LRP1B: variants seen among roughly 807,000 people sequenced by gnomAD.
LRP1B encodes low-density lipoprotein receptor-related protein 1B.
In LRP1B, 217 loss-of-function variants were observed where a neutral mutation model predicts 556.6. The ratio of observed to expected loss-of-function variants is 0.39; its 90% CI spans 0.35 to 0.44. The LOEUF (loss-of-function observed/expected upper bound fraction) is 0.44, where lower values mean the gene tolerates loss of function less well. Ranked by LOEUF, LRP1B falls within the 20% of genes least tolerant of loss-of-function variation. LRP1B has a pLI of 1.00. For synonymous variants in LRP1B, 2,047 were observed against 1,865.8 expected (o/e 1.10, Z -2.50); for missense variants, 5,053 against 5,620.8 (o/e 0.90, Z 3.23).
At chr2:141,548,612 C>T (rs1013181317) in intron 2 of LRP1B, among the ~76,000 whole-genome samples, 1 of 152,148 alleles carries the variant, frequency 6.6e-6, no homozygotes, top group Non-Finnish European at 1.5e-5. Context: ...AGATCTTTGA[C>T]CTTGGGTAGG....
intron 4 of LRP1B, among the ~76,000 whole-genome samples, chr2:141,248,128 C>T (rs190391730): frequency 2.0e-5 from 3 of 152,264 alleles, no homozygotes; most frequent in African/African-American, 7.2e-5. Context: ...TCTGTTTTCT[C>T]TATATACTTC....
intron 10 of LRP1B, among the ~76,000 whole-genome samples, chr2:141,050,471 T>C (rs1318605518): frequency 6.6e-6 from 1 of 151,986 alleles, no homozygotes; most frequent in East Asian, 1.9e-4. Context: ...ATGCATTTGG[T>C]ATTTGTCCTA....
At chr2:140,946,315 C>T (rs1249286601) in intron 20 of LRP1B, among the ~76,000 whole-genome samples, 1 of 152,046 alleles carries the variant, frequency 6.6e-6, no homozygotes, top group Non-Finnish European at 1.5e-5. Context: ...GGAGTAAAAA[C>T]AGGTTCAGGG....
chr2:141,773,127 A>C (rs1022970492), intron 2 of LRP1B, among the ~76,000 whole-genome samples: 4 of 152,198 alleles, frequency 2.6e-5, no homozygotes, highest in African/African-American at 9.6e-5. Context: ...GTTATTTTCT[A>C]GTTGTGAAGT....
At chr2:140,446,172 C>T (rs1573948062) in intron 63 of LRP1B, among the ~76,000 whole-genome samples, 2 of 152,122 alleles carry the variant, frequency 1.3e-5, no homozygotes, top group East Asian at 3.9e-4. Context: ...ATGTGCCTTT[C>T]CTCTATTTCA....
chr2:140,492,511 A>T, intron 57 of LRP1B, 97 bp downstream of exon 57: 7 of 738,642 alleles, frequency 9.5e-6, no homozygotes, highest in Middle Eastern at 4.9e-4. Context: ...AACTAAAAAT[A>T]TGCTTCACAA....
At chr2:141,135,995 C>T (rs1210923502) in intron 7 of LRP1B, among the ~76,000 whole-genome samples, 1 of 151,870 alleles carries the variant, frequency 6.6e-6, no homozygotes, top group Non-Finnish European at 1.5e-5. Context: ...TTACTGCATA[C>T]AATTTGTGCA....
intron 43 of LRP1B, among the ~76,000 whole-genome samples, chr2:140,591,624 T>C (rs2105167949): frequency 6.6e-6 from 1 of 152,286 alleles, no homozygotes. Flanking sequence ...CTATATAGTC[T>C]AGTGGTAAAG....
chr2:140,289,942 T>C (rs1683307159), intron 84 of LRP1B, among the ~76,000 whole-genome samples: 1 of 151,998 alleles, frequency 6.6e-6, no homozygotes, highest in Non-Finnish European at 1.5e-5. Flanking sequence ...TAAGAAAATA[T>C]GGCCCAGAAC....
At chr2:140,413,887 T>G (rs1685067597) in intron 66 of LRP1B, among the ~76,000 whole-genome samples, 1 of 151,966 alleles carries the variant, frequency 6.6e-6, no homozygotes, top group Non-Finnish European at 1.5e-5. Context: ...TAAAAGATAG[T>G]TCATATCTTT....
chr2:141,488,651 G>A (rs1226803486), intron 2 of LRP1B, among the ~76,000 whole-genome samples: 2 of 151,958 alleles, frequency 1.3e-5, no homozygotes, highest in Non-Finnish European at 2.9e-5. Context: ...TGTACAGACA[G>A]GGTCTCACCA....
At chr2:141,898,882 C>A (rs540517453) in intron 1 of LRP1B, among the ~76,000 whole-genome samples, 4 of 152,210 alleles carry the variant, frequency 2.6e-5, no homozygotes, top group Non-Finnish European at 5.9e-5. Context: ...AGATGTGCAA[C>A]CCTGTCATTC....
At chr2:141,868,303 C>T in intron 1 of LRP1B, among the ~76,000 whole-genome samples, 1 of 152,156 alleles carries the variant, frequency 6.6e-6, no homozygotes, top group African/African-American at 2.4e-5. Context: ...GCCAATCCCA[C>T]TTCTGTAATT....
intron 2 of LRP1B, among the ~76,000 whole-genome samples, chr2:141,542,237 T>C (rs1434070492): frequency 6.6e-6 from 1 of 152,022 alleles, no homozygotes; most frequent in Non-Finnish European, 1.5e-5. Flanking sequence ...ATAAATATAC[T>C]AATACCAGCT....
chr2:141,101,831 CATTTGCCTTGG>C (rs1438357781), intron 7 of LRP1B, among the ~76,000 whole-genome samples: 37 of 152,244 alleles, frequency 2.4e-4, no homozygotes, highest in African/African-American at 8.9e-4. Flanking sequence ...CCAGATTCCC[CATTTGCCTTGG>C]TATCTCTTCA....
intron 2 of LRP1B, among the ~76,000 whole-genome samples, chr2:141,651,976 T>C (rs895034631): frequency 2.2e-4 from 34 of 152,208 alleles, no homozygotes; most frequent in African/African-American, 8.0e-4. Context: ...GTTTAAATAA[T>C]AGACCAGCAT....
intron 20 of LRP1B, among the ~76,000 whole-genome samples, chr2:140,941,298 C>T (rs545311806): frequency 3.1e-4 from 47 of 152,262 alleles, no homozygotes; most frequent in African/African-American, 9.4e-4. Context: ...AGATACTCTT[C>T]TTCCATGGAG....
chr2:140,518,689 G>T (rs1299227186), intron 49 of LRP1B, among the ~76,000 whole-genome samples: 1 of 152,104 alleles, frequency 6.6e-6, no homozygotes, highest in African/African-American at 2.4e-5. Context: ...TATTCTCTTT[G>T]TAACAACTGT....
chr2:140,568,364 A>G lies in LRP1B; in HGVS notation c.7195-26393T>C, dbSNP rs921273155. Reference sequence around the variant, plus strand: ...ATAAAAAAATATAACTGAGAGTTTCAACATCAGACTAGATCAAGCAGAATA... The same window carrying G: ...ATAAAAAAATATAACTGAGAGTTTCGACATCAGACTAGATCAAGCAGAATA... On this transcript the variant is annotated intron_variant, in intron 43 of 90. Transcript: ENST00000389484. Among the ~76,000 whole-genome samples, 5 of 152,042 alleles carry G rather than the reference A, an allele frequency of 3.3e-5. No individual in the cohort carries two copies. In the East Asian group the frequency reaches 9.7e-4, roughly 29 times the overall value.
Sources: gnomAD v4.1 joint callset for allele counts (sites outside exome capture counted in the v4.1 genomes callset) on GRCh38, gnomAD v4.1.1 for gene constraint, MANE v1.5 for transcripts, NCBI Gene and HGNC (gene_info 2026-07-23, HGNC 2026-07-21) for gene names.